WDR49: variants seen among roughly 807,000 people sequenced by gnomAD.
The protein encoded by WDR49 is WD repeat domain 49, also known as cilia- and flagella-associated protein 337.
Under a neutral mutation model 119.5 loss-of-function variants are expected in WDR49, and 107 were observed. The observed-to-expected ratio is 0.90, with a 90% CI of 0.77 to 1.05. The LOEUF (loss-of-function observed/expected upper bound fraction) is 1.05. Among genes scored for constraint, WDR49 ranks in the 50% least tolerant of loss-of-function variants. WDR49 has a pLI of 0.00. For synonymous variants in WDR49, 425 were observed against 418.8 expected (o/e 1.01, Z -0.18); for missense variants, 1,240 against 1,220.5 (o/e 1.02, Z -0.24).
intron 6 of WDR49, among the ~76,000 whole-genome samples, chr3:167,604,093 C>G (rs775386914): frequency 2.6e-5 from 4 of 152,080 alleles, no homozygotes; most frequent in Non-Finnish European, 4.4e-5. Flanking sequence ...GCATTGGGCA[C>G]TTTCTCATAT....
chr3:167,647,384 C>A (rs2108345961), intron 2 of WDR49, among the ~76,000 whole-genome samples: 1 of 152,300 alleles, frequency 6.6e-6, no homozygotes, highest in Middle Eastern at 3.4e-3. Flanking sequence ...AGGCAGGAAG[C>A]TGTTAGAACT....
chr3:167,533,652 A>G (rs535816765), intron 11 of WDR49, among the ~76,000 whole-genome samples: 107 of 152,224 alleles, frequency 7.0e-4, no homozygotes, highest in African/African-American at 2.4e-3. Flanking sequence ...TTTTTCCTAC[A>G]GAAAGTCCTT....
chr3:167,643,755 CT>C (rs1294127149), intron 2 of WDR49, among the ~76,000 whole-genome samples: 5 of 151,886 alleles, frequency 3.3e-5, no homozygotes, highest in Non-Finnish European at 7.4e-5. Context: ...CAATAAATAC[CT>C]GTTGTAAGAA....
At chr3:167,523,050 T>G (rs1332644023) in intron 15 of WDR49, among the ~76,000 whole-genome samples, 1 of 152,138 alleles carries the variant, frequency 6.6e-6, no homozygotes, top group Non-Finnish European at 1.5e-5. Flanking sequence ...AATTTTCTCA[T>G]CTTATATCAA....
Position 167,529,054 on chromosome 3 carries a change from C to G in WDR49, c.2404G>C (p.Glu802Gln). ...TGTGATAATGTTTTTCAATTTACCT[C>G]TATATTCCAGATTTTCAACCATCCA... ...LDGWLKIWNI[E>Q]EYCLNSSKNK... Residue 802 changes from glutamate to glutamine, a missense_variant and splice_region_variant, in exon 14 of 19, where the codon GAG becomes CAG. Glu to Gln is a conservative substitution (Grantham distance 29). Coordinates refer to ENST00000682715, the MANE Select transcript of WDR49 (RefSeq NM_001366157.1). 2 of 1,569,202 alleles carry G rather than the reference C, an allele frequency of 1.3e-6. No individual in the cohort carries two copies. Among genetic ancestry groups the G allele is most frequent in the South Asian group, 1.2e-5 (1 of 82,256 alleles).
At chr3:167,572,136 T>G (rs1482173587) in intron 8 of WDR49, among the ~76,000 whole-genome samples, 2 of 152,218 alleles carry the variant, frequency 1.3e-5, no homozygotes, top group African/African-American at 4.8e-5. Context: ...TCCAGGATAT[T>G]GGATTGCTTT....
chr3:167,520,676 G>A lies in WDR49; in HGVS notation c.2774+1639C>T, dbSNP rs140788863. 2.0e-3 allele frequency among the ~76,000 whole-genome samples: 310 copies of A among 152,260 alleles called. 2 individuals are homozygous for A. Among genetic ancestry groups the A allele is most frequent in the Non-Finnish European group, 3.4e-3 (228 of 68,004 alleles). On this transcript the variant is annotated intron_variant, in intron 16 of 18. Coordinates refer to ENST00000682715, the MANE Select transcript of WDR49 (RefSeq NM_001366157.1). ...TTTTTTCTTCTATCTATGTGTCAGCGGAGGTTCAAAAAGTTTGAAAGCAAA... is the reference window on the plus strand; with the variant it reads ...TTTTTTCTTCTATCTATGTGTCAGCAGAGGTTCAAAAAGTTTGAAAGCAAA...
rs915249223 is a variant in WDR49 at position 167,615,716 on chromosome 3, C to T, written c.958+4713G>A. On this transcript the variant is annotated intron_variant, in intron 5 of 18. Coordinates refer to ENST00000682715, the MANE Select transcript of WDR49 (RefSeq NM_001366157.1). ...AAGAAGAAAATTAATGTAATGCTTT[C>T]GCAGGACTTCAGATAGTTCATTTTG... Among the ~76,000 whole-genome samples, 6 of 152,088 alleles carry T rather than the reference C, an allele frequency of 3.9e-5. No homozygotes were observed. The East Asian group carries it at 5.8e-4, about 15-fold the overall frequency.
intron 16 of WDR49, among the ~76,000 whole-genome samples, chr3:167,520,054 C>T (rs945356854): frequency 6.7e-6 from 1 of 149,538 alleles, no homozygotes; most frequent in African/African-American, 2.5e-5. Flanking sequence ...AGCAACATGA[C>T]AAAACCTCAT....
intron 12 of WDR49, among the ~76,000 whole-genome samples, chr3:167,531,541 T>C (rs952193299): frequency 2.0e-5 from 3 of 152,144 alleles, no homozygotes; most frequent in South Asian, 2.1e-4. Context: ...AACTTAATAT[T>C]GGCATCAATG....
At chr3:167,609,964 G>A (rs574251051) in intron 5 of WDR49, among the ~76,000 whole-genome samples, 1 of 152,238 alleles carries the variant, frequency 6.6e-6, no homozygotes, top group South Asian at 2.1e-4. Context: ...CCACTACCCT[G>A]AAGGAAAAGA....
chr3:167,520,103 A>T (rs1752381247), intron 16 of WDR49, among the ~76,000 whole-genome samples: 1 of 140,702 alleles, frequency 7.1e-6, no homozygotes, highest in Admixed American at 7.0e-5. Context: ...GTGTGTGCAA[A>T]CTGGGTGTGG....
At chr3:167,488,133 G>T (rs920883933) in intron 18 of WDR49, among the ~76,000 whole-genome samples, 1 of 138,054 alleles carries the variant, frequency 7.2e-6, no homozygotes, top group Non-Finnish European at 1.5e-5. Flanking sequence ...TAAAGAAAAT[G>T]TGATACACTC....
At chr3:167,508,001 C>T (rs565695466) in intron 16 of WDR49, among the ~76,000 whole-genome samples, 2 of 152,190 alleles carry the variant, frequency 1.3e-5, no homozygotes, top group Non-Finnish European at 2.9e-5. Context: ...TGCAAAAATG[C>T]CTTAGTAGGT....
At chr3:167,643,155 A>G (rs1033224064) in intron 2 of WDR49, among the ~76,000 whole-genome samples, 9 of 152,088 alleles carry the variant, frequency 5.9e-5, no homozygotes, top group African/African-American at 2.2e-4. Flanking sequence ...TACTCACAAT[A>G]TAGTATAAAA....
intron 5 of WDR49, among the ~76,000 whole-genome samples, chr3:167,605,457 A>C (rs190260738): frequency 7.9e-5 from 12 of 152,210 alleles, no homozygotes; most frequent in Admixed American, 1.3e-4. Context: ...GGCATCTACT[A>C]TGTGTTCTGT....
intron 2 of WDR49, among the ~76,000 whole-genome samples, chr3:167,635,551 C>T (rs1717575478): frequency 6.6e-6 from 1 of 151,672 alleles, no homozygotes; most frequent in African/African-American, 2.4e-5. Flanking sequence ...GAAAGAAATA[C>T]TTTCTTTTCT....
chr3:167,638,339 T>C (rs1201685260), intron 2 of WDR49, among the ~76,000 whole-genome samples: 1 of 151,614 alleles, frequency 6.6e-6, no homozygotes, highest in Admixed American at 6.6e-5. Flanking sequence ...CCAAAATTGA[T>C]ATTTCTTTTG....
chr3:167,527,861 C>T lies in WDR49; in HGVS notation c.2563G>A (p.Val855Met), dbSNP rs1188850423. Reference sequence around the variant, plus strand: ...ACAGGAGCATTGCAGACACCAGTCACACAAATACTGCAGTCTGCAGAGGAG... The same window carrying T: ...ACAGGAGCATTGCAGACACCAGTCATACAAATACTGCAGTCTGCAGAGGAG... The part of the protein sequence containing the change: ...ISSSADCSIC[V>M]TGVCNAPVWI... Residue 855 changes from valine (V) to methionine (M), a missense_variant, in exon 15 of 19, where the codon GTG becomes ATG. Physicochemically the swap from Val to Met is conservative, Grantham distance 21. Coordinates refer to ENST00000682715, the MANE Select transcript of WDR49 (RefSeq NM_001366157.1). 2 of 1,613,026 alleles carry T rather than the reference C, an allele frequency of 1.2e-6. No individual in the cohort carries two copies. Among genetic ancestry groups the T allele is most frequent in the South Asian group, 2.2e-5 (2 of 91,034 alleles).
Sources: allele counts gnomAD v4.1 joint callset (sites outside exome capture counted in the v4.1 genomes callset), GRCh38; gene constraint gnomAD v4.1.1; transcripts MANE v1.5; gene names NCBI Gene and HGNC (gene_info 2026-07-23, HGNC 2026-07-21).